The following DMD variants were observed in gnomAD, a reference collection of about 807,000 sequenced individuals.
The protein encoded by DMD is mutant dystrophin.
In DMD, 63 loss-of-function variants were observed where a neutral mutation model predicts 330.1. That is an observed-to-expected ratio of 0.19 (90% confidence interval 0.16 to 0.24). The LOEUF (loss-of-function observed/expected upper bound fraction) is 0.24. Ranked by LOEUF, DMD falls within the 10% of genes least tolerant of loss-of-function variation. The probability of loss-of-function intolerance (pLI) is 1.00; values close to 1 mark genes in which losing one functional copy is unlikely to be tolerated. For missense variants in DMD, 3,344 were observed against 2,684.1 expected, an observed-to-expected ratio of 1.25 and a Z score of -5.43; for synonymous variants, 1,223 against 959.8, an observed-to-expected ratio of 1.27 and a Z score of -5.07.
At chrX:33,016,716 T>C (rs1276092638) in intron 2 of DMD, among the ~76,000 whole-genome samples, 1 of 112,103 alleles carries the variant, frequency 8.9e-6, no homozygotes, top group East Asian at 2.8e-4. Flanking sequence ...ATCATATCAC[T>C]CATTGGGAGA....
At chrX:33,072,402 G>A (rs1373375908) in intron 1 of DMD, among the ~76,000 whole-genome samples, 1 of 112,120 alleles carries the variant, frequency 8.9e-6, no homozygotes, top group Non-Finnish European at 1.9e-5. Context: ...TGGGCGATAA[G>A]AGTGAAACTC....
chrX:31,231,742 C>A (rs749148630), intron 63 of DMD, among the ~76,000 whole-genome samples: 10 of 111,535 alleles, frequency 9.0e-5, no homozygotes, highest in South Asian at 3.8e-4. Flanking sequence ...TAGCTGGATG[C>A]GGCGGCAGGC....
chrX:32,917,844 C>G (rs1347046918), intron 2 of DMD, among the ~76,000 whole-genome samples: 1 of 111,148 alleles, frequency 9.0e-6, no homozygotes, highest in Non-Finnish European at 1.9e-5. Flanking sequence ...CCCAGTACAT[C>G]CTGTCATGCC....
intron 44 of DMD, among the ~76,000 whole-genome samples, chrX:32,059,545 T>C (rs993438406): frequency 8.9e-6 from 1 of 112,186 alleles, no homozygotes; most frequent in African/African-American, 3.2e-5. Flanking sequence ...AACGGCAGTG[T>C]GAGATCATTG....
intron 61 of DMD, among the ~76,000 whole-genome samples, chrX:31,326,104 G>A (rs1453213595): frequency 9.0e-6 from 1 of 110,527 alleles, no homozygotes; most frequent in African/African-American, 3.3e-5. Context: ...GCTGCTGGCT[G>A]CCTGGCCTGG....
chrX:32,384,868 G>A (rs898358494), intron 33 of DMD, among the ~76,000 whole-genome samples: 5 of 110,949 alleles, frequency 4.5e-5, no homozygotes, highest in Non-Finnish European at 7.6e-5. Flanking sequence ...CAGTCAGAAC[G>A]AAATTAAAAT....
intron 47 of DMD, among the ~76,000 whole-genome samples, chrX:31,895,653 G>A (rs1390242894): frequency 9.0e-6 from 1 of 111,639 alleles, no homozygotes; most frequent in Non-Finnish European, 1.9e-5. Flanking sequence ...AAGGATTAGA[G>A]TCAAAGGGGG....
chrX:33,243,867 A>G (rs761633781), intron 1 of DMD, among the ~76,000 whole-genome samples: 1 of 111,581 alleles, frequency 9.0e-6, no homozygotes, highest in Non-Finnish European at 1.9e-5. Context: ...GGAATGATTG[A>G]CAATGGGGAA....
At chrX:32,801,170 A>G (rs1281770247) in intron 7 of DMD, among the ~76,000 whole-genome samples, 3 of 111,260 alleles carry the variant, frequency 2.7e-5, no homozygotes, top group Non-Finnish European at 5.7e-5. Context: ...ATTTCTCCAT[A>G]TTCTCTCCAG....
intron 59 of DMD, among the ~76,000 whole-genome samples, chrX:31,467,784 C>T (rs143807577): frequency 0.018 from 1,956 of 111,480 alleles, 45 homozygotes; most frequent in African/African-American, 0.06. Flanking sequence ...AGCTGTGAAT[C>T]CATCTGTTCC....
chrX:32,180,232 G>T (rs1038337387), intron 44 of DMD, among the ~76,000 whole-genome samples: 25 of 111,405 alleles, frequency 2.2e-4, no homozygotes, highest in African/African-American at 7.5e-4. Context: ...AGGTTACATC[G>T]TAGGGTCAGC....
At chrX:31,307,836 C>A (rs2055162071) in intron 62 of DMD, among the ~76,000 whole-genome samples, 1 of 111,608 alleles carries the variant, frequency 9.0e-6, no homozygotes, top group African/African-American at 3.3e-5. Flanking sequence ...TTACCTTACT[C>A]CAACTTTTTT....
At chrX:31,961,907 T>C (rs1056705503) in intron 45 of DMD, among the ~76,000 whole-genome samples, 3 of 110,332 alleles carry the variant, frequency 2.7e-5, no homozygotes, top group African/African-American at 9.9e-5. Flanking sequence ...TATGTTCAAT[T>C]CTTTTGCTAC....
chrX:32,461,656 T>C (rs188441879), intron 25 of DMD, among the ~76,000 whole-genome samples: 65 of 110,718 alleles, frequency 5.9e-4, no homozygotes, highest in Admixed American at 4.7e-3. Flanking sequence ...TTTTATACTT[T>C]TTTTTTTTGG....
At chrX:33,018,628 A>G (rs759796756) in intron 2 of DMD, among the ~76,000 whole-genome samples, 1 of 110,783 alleles carries the variant, frequency 9.0e-6, no homozygotes, top group African/African-American at 3.2e-5. Flanking sequence ...CAATTCAAAG[A>G]TTCAGAGTAT....
At chrX:32,370,846 C>T (rs189883386) in intron 34 of DMD, among the ~76,000 whole-genome samples, 6 of 111,129 alleles carry the variant, frequency 5.4e-5, no homozygotes, top group Admixed American at 2.9e-4. Context: ...ACTGTGAAAT[C>T]TTACTGTTAT....
intron 1 of DMD, among the ~76,000 whole-genome samples, chrX:33,236,117 C>T (rs1309868858): frequency 1.9e-5 from 2 of 106,188 alleles, no homozygotes; most frequent in Admixed American, 1.0e-4. Context: ...GGGGTTTCAC[C>T]TTGTTAGCCA....
In DMD at chrX:33,176,451, A is replaced by C. The variant is rs146846246; in HGVS notation, c.31+34831T>G. Among the ~76,000 whole-genome samples the C allele has an allele frequency of 4.0e-3, 440 of 109,964 alleles. 4 individuals carry two copies. Among genetic ancestry groups the C allele is most frequent in the African/African-American group, 0.014 (422 of 30,284 alleles). ...AAAAAAAAAACCAGGTATACGTATA[A>C]TTATATTGTCAACTAAAAAATAAAA... On this transcript the variant is annotated intron_variant, in intron 1 of 78. Coordinates refer to ENST00000357033, the MANE Select transcript of DMD (RefSeq NM_004006.3).
rs769671667 is a variant in DMD at position 31,729,106 on chromosome X, C to T, written c.7660+525G>A. Among the ~76,000 whole-genome samples, 3 of 112,126 alleles carry T rather than the reference C, an allele frequency of 2.7e-5. No homozygotes were observed. The South Asian group carries it at 1.1e-3, about 42-fold the overall frequency. On this transcript the variant is annotated intron_variant, in intron 52 of 78. Coordinates refer to ENST00000357033, the MANE Select transcript of DMD (RefSeq NM_004006.3). Reference sequence around the variant, plus strand: ...ATGCACAGCGTCTAGTCAGATGGGTCTTACCAAAGTTCCTGCCCACCCTAC... The same window carrying T: ...ATGCACAGCGTCTAGTCAGATGGGTTTTACCAAAGTTCCTGCCCACCCTAC...
Sources: gnomAD v4.1 joint callset for allele counts (sites outside exome capture counted in the v4.1 genomes callset) on GRCh38, gnomAD v4.1.1 for gene constraint, MANE v1.5 for transcripts, NCBI Gene and HGNC (gene_info 2026-07-23, HGNC 2026-07-21) for gene names.